IL18: variants seen among roughly 807,000 people sequenced by gnomAD.
IL18 encodes the protein interleukin 18, also known as interleukin-18.
A neutral mutation model predicts 14.2 loss-of-function variants in IL18; 8 were observed. That is an observed-to-expected ratio of 0.56 (90% confidence interval 0.33 to 1.01). The LOEUF (loss-of-function observed/expected upper bound fraction) is 1.01, where lower values mean the gene tolerates loss of function less well. Among genes scored for constraint, IL18 ranks in the 50% least tolerant of loss-of-function variants. IL18 has a pLI of 0.03. For synonymous variants in IL18, 67 were observed against 71.0 expected (o/e 0.94, Z 0.28); for missense variants, 166 against 231.1 (o/e 0.72, Z 1.83).
intron 1 of IL18, among the ~76,000 whole-genome samples, chr11:112,155,771 G>T (rs1252573615): frequency 6.6e-6 from 1 of 152,124 alleles, no homozygotes; most frequent in Non-Finnish European, 1.5e-5. Flanking sequence ...AATACGGTGT[G>T]CAGGCTTCCA....
At chr11:112,153,675 T>C (rs1440361736) in intron 2 of IL18, 72 bp from the exon 3 acceptor site, 1 of 1,117,240 alleles carries the variant, frequency 9.0e-7, no homozygotes, top group Non-Finnish European at 1.3e-6. Context: ...AATCTCATTC[T>C]AGCTTTTACT....
At chr11:112,144,350 A>T (rs1000722644) in intron 5 of IL18, among the ~76,000 whole-genome samples, 1 of 152,218 alleles carries the variant, frequency 6.6e-6, no homozygotes, top group Non-Finnish European at 1.5e-5. Flanking sequence ...CCCCTGCCTC[A>T]GCCTCCTGAG....
intron 1 of IL18, among the ~76,000 whole-genome samples, chr11:112,160,901 A>G (rs2043055): frequency 0.4 from 60,652 of 151,940 alleles, 12,346 homozygotes; most frequent in South Asian, 0.6. Flanking sequence ...TTAGTTCTCA[A>G]TACATCTATG....
intron 1 of IL18, among the ~76,000 whole-genome samples, chr11:112,158,346 C>T (rs186560103): frequency 2.0e-5 from 3 of 152,294 alleles, no homozygotes; most frequent in Admixed American, 2.0e-4. Flanking sequence ...TCTTGGAGTA[C>T]ATAAACCTAC....
At chr11:112,160,563 C>T (rs1433188163) in intron 1 of IL18, among the ~76,000 whole-genome samples, 1 of 151,854 alleles carries the variant, frequency 6.6e-6, no homozygotes, top group Non-Finnish European at 1.5e-5. Context: ...GTCTTTTTTC[C>T]CCTGAATTTT....
At chr11:112,145,113 T>G (rs1866312992) in intron 5 of IL18, among the ~76,000 whole-genome samples, 1 of 37,278 alleles carries the variant, frequency 2.7e-5, no homozygotes, top group Non-Finnish European at 6.0e-5. Context: ...AAAATAGCAT[T>G]TCTTCATCCT....
intron 1 of IL18, among the ~76,000 whole-genome samples, chr11:112,163,620 T>A (rs984408530): frequency 6.6e-6 from 1 of 152,086 alleles, no homozygotes; most frequent in African/African-American, 2.4e-5. Context: ...AAAAAGTACA[T>A]AGTTATTTTT....
At chr11:112,156,690 C>T (rs1866538316) in intron 1 of IL18, among the ~76,000 whole-genome samples, 1 of 152,052 alleles carries the variant, frequency 6.6e-6, no homozygotes. Flanking sequence ...AATGGTTTGC[C>T]TGACTTGGCC....
intron 1 of IL18, among the ~76,000 whole-genome samples, chr11:112,158,716 C>T (rs890268616): frequency 2.6e-5 from 4 of 152,064 alleles, no homozygotes; most frequent in Non-Finnish European, 4.4e-5. Context: ...ATAAGAGACA[C>T]TTGCATGTGG....
intron 5 of IL18, among the ~76,000 whole-genome samples, chr11:112,147,129 C>T (rs1866357812): frequency 6.6e-6 from 1 of 151,708 alleles, no homozygotes; most frequent in African/African-American, 2.4e-5. Flanking sequence ...GGGGTTTCTC[C>T]ATGTTGGTCA....
At chr11:112,149,929 A>G in intron 4 of IL18, 143 bp downstream of exon 4, 1 of 799,502 alleles carries the variant, frequency 1.3e-6, no homozygotes, top group Non-Finnish European at 2.0e-6. Context: ...TGGATGCCTT[A>G]TAAAGTTTCC....
intron 1 of IL18, among the ~76,000 whole-genome samples, chr11:112,157,942 C>T (rs1351525751): frequency 6.6e-6 from 1 of 152,212 alleles, no homozygotes; most frequent in Non-Finnish European, 1.5e-5. Flanking sequence ...ACTGCAACCT[C>T]CACTGCCTGG....
chr11:112,148,732 A>G lies in IL18; in HGVS notation c.231T>C (p.Asn77=), dbSNP rs1866383742. ...TTATAATAAATATGGTCCGGGGTGC[A>G]TTATCTGAAATAAATATAATAAATG... ...EDMTDSDCRD[N]APRTIFIISM... Residue 77 remains asparagine, a synonymous_variant, in exon 5 of 6, where the codon AAT becomes AAC. Coordinates refer to ENST00000280357, the MANE Select transcript of IL18 (RefSeq NM_001562.4). The G allele has an allele frequency of 2.1e-6, 3 of 1,430,942 alleles. No homozygotes were observed. Among genetic ancestry groups the G allele is most frequent in the Non-Finnish European group, 2.8e-6 (3 of 1,079,690 alleles). 88.6% of individuals were successfully genotyped at this position (1,430,942 alleles called of 1,614,324 possible).
At chr11:112,161,597 G>A (rs1484494094) in intron 1 of IL18, among the ~76,000 whole-genome samples, 43 of 152,108 alleles carry the variant, frequency 2.8e-4, no homozygotes, top group Admixed American at 6.5e-5. Flanking sequence ...TCAGGAGTTC[G>A]AGACCAGCCT....
chr11:112,147,650 G>GT (rs1408725396), intron 5 of IL18, among the ~76,000 whole-genome samples: 1 of 152,200 alleles, frequency 6.6e-6, no homozygotes, highest in Admixed American at 6.5e-5. Flanking sequence ...TCTGGGGGCT[G>GT]TATCTGTTGC....
At chr11:112,151,820 C>T (rs1029377165) in intron 3 of IL18, among the ~76,000 whole-genome samples, 2 of 152,154 alleles carry the variant, frequency 1.3e-5, no homozygotes, top group African/African-American at 4.8e-5. Flanking sequence ...TCCTGGGAGT[C>T]GGTGGAATTC....
intron 3 of IL18, among the ~76,000 whole-genome samples, chr11:112,152,280 T>C (rs1329179294): frequency 6.6e-6 from 1 of 152,156 alleles, no homozygotes; most frequent in East Asian, 1.9e-4. Context: ...CAACCCTAAA[T>C]CATGTCCTAT....
chr11:112,149,758 T>C (rs938467550), intron 4 of IL18, among the ~76,000 whole-genome samples: 2 of 151,820 alleles, frequency 1.3e-5, no homozygotes, highest in African/African-American at 4.8e-5. Flanking sequence ...ACTATCAGCA[T>C]TTTCAGCTGT....
chr11:112,161,406 C>T (rs1866629580), intron 1 of IL18, among the ~76,000 whole-genome samples: 1 of 152,188 alleles, frequency 6.6e-6, no homozygotes, highest in Non-Finnish European at 1.5e-5. Context: ...TGATATGTGG[C>T]AAACGGCCTA....
Sources: gnomAD v4.1 joint callset for allele counts (sites outside exome capture counted in the v4.1 genomes callset) on GRCh38, gnomAD v4.1.1 for gene constraint, MANE v1.5 for transcripts, NCBI Gene and HGNC (gene_info 2026-07-23, HGNC 2026-07-21) for gene names.